Variants in TDRD9 observed in about 807,000 individuals in gnomAD.
TDRD9 encodes ATP-dependent RNA helicase TDRD9.
TDRD9 carries 124 observed loss-of-function variants against 172.6 expected under a neutral mutation model. The observed-to-expected ratio is 0.72, with a 90% CI of 0.62 to 0.83. TDRD9 has a LOEUF of 0.83. Among genes scored for constraint, TDRD9 ranks in the 40% least tolerant of loss-of-function variants. The pLI, the probability that TDRD9 is intolerant of heterozygous loss-of-function variation, is 0.00. For missense variants in TDRD9, 1,479 were observed against 1,714.1 expected, an observed-to-expected ratio of 0.86 and a Z score of 2.42; for synonymous variants, 619 against 617.1, an observed-to-expected ratio of 1.00 and a Z score of -0.05.
At chr14:103,986,158 C>T (rs1595949011) in intron 7 of TDRD9, 59 bp from the exon 8 acceptor site, 3 of 1,270,548 alleles carry the variant, frequency 2.4e-6, no homozygotes, top group Middle Eastern at 1.8e-4. Context: ...CCATCCAACG[C>T]CAGGTTTCTT....
chr14:103,950,318 G>C (rs1008596447), intron 1 of TDRD9, among the ~76,000 whole-genome samples: 6 of 151,616 alleles, frequency 4.0e-5, no homozygotes, highest in Non-Finnish European at 7.4e-5. Context: ...TTGAACTCCC[G>C]ACCTCAGGTG....
At chr14:104,049,538 T>A (rs2035881330) in intron 34 of TDRD9, 70 bp from the exon 35 acceptor site, 1 of 1,294,516 alleles carries the variant, frequency 7.7e-7, no homozygotes, top group Admixed American at 2.2e-5. Context: ...TTTAAATCTT[T>A]AAAAAAATCA....
intron 33 of TDRD9, among the ~76,000 whole-genome samples, chr14:104,041,242 A>G (rs1200233629): frequency 1.3e-5 from 2 of 152,204 alleles, no homozygotes; most frequent in Admixed American, 6.5e-5. Context: ...TCCTTAAGCC[A>G]TAGACCTAAT....
At chr14:104,036,497 G>A (rs2152258805) in intron 32 of TDRD9, among the ~76,000 whole-genome samples, 1 of 152,340 alleles carries the variant, frequency 6.6e-6, no homozygotes, top group African/African-American at 2.4e-5. Context: ...CAGGCCTGAG[G>A]CTTGGCTAGT....
At chr14:103,979,872 A>G (rs8022833) in intron 7 of TDRD9, among the ~76,000 whole-genome samples, 57,766 of 147,432 alleles carry the variant, frequency 0.39, 11,324 homozygotes, top group African/African-American at 0.44. Flanking sequence ...GCATTTTCTG[A>G]CTCTTTTTTT....
At chr14:103,937,521 C>T (rs2030847619) in intron 1 of TDRD9, among the ~76,000 whole-genome samples, 1 of 152,198 alleles carries the variant, frequency 6.6e-6, no homozygotes, top group Non-Finnish European at 1.5e-5. Flanking sequence ...TTAACCTTCT[C>T]CAAGTACTGA....
intron 7 of TDRD9, among the ~76,000 whole-genome samples, chr14:103,981,884 T>C (rs4906395): frequency 0.41 from 61,866 of 152,062 alleles, 12,728 homozygotes; most frequent in Middle Eastern, 0.44. Context: ...ATTTTGAGCT[T>C]ATAAAAATGG....
intron 20 of TDRD9, among the ~76,000 whole-genome samples, chr14:104,008,943 T>A (rs1377424802): frequency 1.3e-5 from 2 of 152,234 alleles, no homozygotes; most frequent in Non-Finnish European, 2.9e-5. Context: ...ATATGGTATT[T>A]TAATTTTTTA....
chr14:103,997,877 C>G lies in TDRD9; in HGVS notation c.1379-747C>G, dbSNP rs2034110473. Among the ~76,000 whole-genome samples the G allele has an allele frequency of 6.6e-6, 1 of 152,144 alleles. No individual in the cohort carries two copies. The highest frequency in any genetic ancestry group is 6.5e-5 in the Admixed American group (1 of 15,282). On this transcript the variant is annotated intron_variant, in intron 12 of 35. Coordinates refer to ENST00000409874, the MANE Select transcript of TDRD9 (RefSeq NM_153046.3). The surrounding 1 kb of genome is among the most constrained non-coding windows in gnomAD (Gnocchi z 5.1). ...GAGCAGCTTTGGTGGAAGCAAGCGT[C>G]TGCTTGGAGTGGGCTCAAGAAAGGA...
intron 5 of TDRD9, among the ~76,000 whole-genome samples, chr14:103,968,774 C>T (rs1472885307): frequency 1.0e-3 from 18 of 18,012 alleles, no homozygotes; most frequent in South Asian, 6.6e-3. Flanking sequence ...CCAGCCTGGG[C>T]GACAGAGTGA....
intron 4 of TDRD9, among the ~76,000 whole-genome samples, chr14:103,966,238 T>TGAG (rs1425025533): frequency 7.0e-6 from 1 of 143,572 alleles, no homozygotes; most frequent in African/African-American, 2.6e-5. Context: ...GGCTGGGGTA[T>TGAG]GAGAATTGCT....
chr14:104,052,176 G>C lies in TDRD9; in HGVS notation c.*94G>C. The C allele has an allele frequency of 3.6e-6, 3 of 833,308 alleles. No individual in the cohort carries two copies. Among genetic ancestry groups the C allele is most frequent in the African/African-American group, 1.7e-5 (1 of 59,120 alleles). The allele number at this position is 833,308 out of a possible 1,614,324, so 51.6% of individuals were successfully genotyped here. Reference sequence around the variant, plus strand: ...GCAGACTGACTTTCCTCTGTGTCTGGGTGTTACAGTCTGTGCCCACTGCAT... The same window carrying C: ...GCAGACTGACTTTCCTCTGTGTCTGCGTGTTACAGTCTGTGCCCACTGCAT... On this transcript the variant is annotated 3_prime_UTR_variant, in exon 36 of 36. Transcript: ENST00000409874.
Position 104,052,099 on chromosome 14 carries a change from C to T in TDRD9, c.*17C>T, listed in dbSNP as rs778053480. On this transcript the variant is annotated 3_prime_UTR_variant, in exon 36 of 36. Transcript: ENST00000409874. ...GGCACCTGAGCATGTCCACAGGTGG[C>T]CTCCAGCACACCCCTCAGGAAGCTG... The T allele has an allele frequency of 3.2e-6, 5 of 1,540,312 alleles. No individual in the cohort carries two copies. The South Asian group carries it at 6.0e-5, about 18-fold the overall frequency.
At chr14:103,979,109 G>GT (rs2033369772) in intron 7 of TDRD9, among the ~76,000 whole-genome samples, 1 of 151,978 alleles carries the variant, frequency 6.6e-6, no homozygotes, top group African/African-American at 2.4e-5. Flanking sequence ...CTATTAAACT[G>GT]TTTTTTAGCT....
rs11160779 is a variant in TDRD9, at chr14:104,014,746, T to C, written c.2128T>C (p.Leu710=). 0.34 allele frequency: 540,308 copies of C among 1,604,392 alleles called. 92,245 individuals carry two copies. The highest frequency in any genetic ancestry group is 0.37 in the Middle Eastern group (2,230 of 6,050). ...TTAGGTGGCTGAATTATATGAAGAATTGAAGACTAGAATCTCACAGTTCAA... is the reference window on the plus strand; with the variant it reads ...TTAGGTGGCTGAATTATATGAAGAACTGAAGACTAGAATCTCACAGTTCAA... ...IREVAELYEE[L]KTRISQFNMH... The change falls in exon 21 of 36, where the codon TTG becomes CTG. Residue 710 remains leucine (L), a synonymous_variant. Transcript: ENST00000409874.
chr14:104,036,003 A>G (rs771657733), intron 32 of TDRD9, among the ~76,000 whole-genome samples: 10 of 152,072 alleles, frequency 6.6e-5, no homozygotes, highest in Non-Finnish European at 1.2e-4. Context: ...TTTAGTTGTA[A>G]GAATATTTTT....
chr14:103,994,400 G>A lies in TDRD9; in HGVS notation c.1235+14G>A, dbSNP rs753848943. 1.9e-6 allele frequency: 3 copies of A among 1,612,156 alleles called. No homozygotes were observed. In the African/African-American group the frequency reaches 4.0e-5, roughly 22 times the overall value. ...GGTTCATAAAAGGTATGTTGAAAAT[G>A]ATACAGCTGTATTCTTCTAAGCCAT... On this transcript the variant is annotated intron_variant, in intron 10 of 35. Coordinates refer to ENST00000409874, the MANE Select transcript of TDRD9 (RefSeq NM_153046.3).
chr14:104,022,362 G>T (rs753458816), intron 24 of TDRD9, 32 bp downstream of exon 24: 2 of 1,596,214 alleles, frequency 1.3e-6, no homozygotes, highest in East Asian at 2.3e-5. Flanking sequence ...CAGACAGGCC[G>T]TGCCTGCTTT....
rs2030134731 is a variant in TDRD9, at chr14:103,928,637, G to T, written c.128G>T (p.Arg43Leu). Reference sequence around the variant, plus strand: ...GGGGCGGCCAGGGAGGAGGTGCAGCGCCAGGACGTGGCCCCCGGCGCTGGT... The same window carrying T: ...GGGGCGGCCAGGGAGGAGGTGCAGCTCCAGGACGTGGCCCCCGGCGCTGGT... ...PAGAAREEVQRQDVAPGAGPA... is the reference protein window; with the variant it reads ...PAGAAREEVQLQDVAPGAGPA... The change falls in exon 1 of 36, where the codon CGC becomes CTC. Residue 43 changes from arginine (R) to leucine (L), a missense_variant. By Grantham distance (102) the Arg-to-Leu change is moderately radical. This residue lies in a region of TDRD9 where 3 missense variants were observed against 16.6 expected (regional missense o/e 0.18). Transcript: ENST00000409874. The T allele has an allele frequency of 1.6e-6, 2 of 1,289,574 alleles. No individual in the cohort carries two copies. Among genetic ancestry groups the T allele is most frequent in the South Asian group, 2.1e-5 (1 of 47,058 alleles). 79.9% of individuals were successfully genotyped at this position (1,289,574 alleles called of 1,614,324 possible). A position where few individuals can be genotyped will look rare whatever the true frequency, so the allele number is the denominator to read the frequency against.
Sources: allele counts gnomAD v4.1 joint callset (sites outside exome capture counted in the v4.1 genomes callset), GRCh38; gene constraint gnomAD v4.1.1; regional missense constraint gnomAD v4.1.1; non-coding constraint Gnocchi (gnomAD v3.1); transcripts MANE v1.5; gene names NCBI Gene and HGNC (gene_info 2026-07-23, HGNC 2026-07-21).